SEC14L2: variants seen among roughly 807,000 people sequenced by gnomAD.
SEC14L2 encodes the protein SEC14-like protein 2.
Under a neutral mutation model 56.9 loss-of-function variants are expected in SEC14L2, and 50 were observed. The observed-to-expected ratio is 0.88, with a 90% CI of 0.70 to 1.11. SEC14L2 has a LOEUF of 1.11. Ranked by LOEUF, SEC14L2 falls within the 50% of genes most tolerant of loss-of-function variation. The probability of loss-of-function intolerance (pLI) is 0.00; values close to 1 mark genes in which losing one functional copy is unlikely to be tolerated. For missense variants in SEC14L2, 414 were observed against 500.7 expected (o/e 0.83, Z 1.65); for synonymous variants, 179 against 188.5 (o/e 0.95, Z 0.41).
intron 3 of SEC14L2, 83 bp from the exon 4 acceptor site, chr22:30,407,012 A>C: frequency 6.9e-7 from 1 of 1,446,210 alleles, no homozygotes; most frequent in Non-Finnish European, 9.6e-7. Context: ...TTGGCCTCCC[A>C]AAGTGCTGGG....
At chr22:30,407,344 A>G in intron 4 of SEC14L2, 71 bp from the exon 5 acceptor site, 2 of 1,548,342 alleles carry the variant, frequency 1.3e-6, no homozygotes, top group Non-Finnish European at 1.8e-6. Flanking sequence ...ATGAACCTGG[A>G]GTAAGGCCCT....
At chr22:30,415,699 A>G in intron 8 of SEC14L2, 60 bp from the exon 9 acceptor site, 2 of 1,461,816 alleles carry the variant, frequency 1.4e-6, no homozygotes, top group Admixed American at 3.5e-5. Flanking sequence ...CACTAGGGTT[A>G]TGGCGAAATC....
At chr22:30,408,098 T>G (rs1934148515) in intron 5 of SEC14L2, among the ~76,000 whole-genome samples, 2 of 139,464 alleles carry the variant, frequency 1.4e-5, no homozygotes, top group South Asian at 4.6e-4. Context: ...CGACAGAGAC[T>G]CCATCTCAAA....
chr22:30,421,865 G>A (rs1934527594), intron 11 of SEC14L2: 1 of 158,032 alleles, frequency 6.3e-6, no homozygotes, highest in Admixed American at 6.3e-5. Flanking sequence ...ATAACATATA[G>A]ATTACCAACC....
rs942958707 is a variant in SEC14L2 at position 30,410,598 on chromosome 22, C to T, written c.583C>T (p.Pro195Ser). The T allele has an allele frequency of 1.9e-6, 3 of 1,614,130 alleles. No individual in the cohort carries two copies. Among genetic ancestry groups the T allele is most frequent in the Non-Finnish European group, 2.5e-6 (3 of 1,179,940 alleles). Residue 195 changes from proline (P) to serine (S), a missense_variant and splice_region_variant, in exon 8 of 12, where the codon CCC (proline) becomes TCC (serine). By Grantham distance (74) the Pro-to-Ser change is moderately conservative. Transcript: ENST00000615189. ...ACATTATCTGGTCTCTGTTCCAGCC[C>T]CCAAACTGTTTCCTGTGGCCTATAA... ...TLKRLFVVKA[P>S]KLFPVAYNLI...
intron 3 of SEC14L2, 52 bp downstream of exon 3, chr22:30,406,437 T>C (rs1185373395): frequency 6.3e-7 from 1 of 1,583,786 alleles, no homozygotes; most frequent in African/African-American, 1.3e-5. Context: ...AATCACTCCT[T>C]GCGTGGACTT....
intron 7 of SEC14L2, 42 bp from the exon 8 acceptor site, chr22:30,410,553 TG>T (rs1483285261): frequency 3.2e-6 from 5 of 1,571,298 alleles, no homozygotes; most frequent in Non-Finnish European, 4.4e-6. Flanking sequence ...AGGGACAGAC[TG>T]GGCACTGCTC....
At position 30,409,249 on chromosome 22, in the gene SEC14L2, T is replaced by TCTCTGGAAGCCTG. The variant is rs1277076535; in HGVS notation, c.489_501dup (p.Val168LeufsTer16). 2 of 1,613,636 alleles carry TCTCTGGAAGCCTG rather than the reference T, an allele frequency of 1.2e-6. No individual in the cohort carries two copies. Among genetic ancestry groups the TCTCTGGAAGCCTG allele is most frequent in the Admixed American group, 3.3e-5 (2 of 59,984 alleles). On this transcript the variant is annotated frameshift_variant, in exon 6 of 12. Transcript: ENST00000615189. LOFTEE classifies it high-confidence loss of function. Reference sequence around the variant, plus strand: ...ACTGCGAGGGGCTTGGCCTCAAGCATCTCTGGAAGCCTGCTGTGGAGGCCT... The same window carrying TCTCTGGAAGCCTG: ...ACTGCGAGGGGCTTGGCCTCAAGCATCTCTGGAAGCCTGCTCTGGAAGCCTGCTGTGGAGGCCT...
Position 30,404,441 on chromosome 22 carries a change from C to T in SEC14L2, c.131-1901C>T, listed in dbSNP as rs147807467. Among the ~76,000 whole-genome samples, 22 of 152,096 alleles carry T rather than the reference C, an allele frequency of 1.4e-4. No individual in the cohort carries two copies. The East Asian group carries it at 3.9e-3, about 27-fold the overall frequency. On this transcript the variant is annotated intron_variant, in intron 2 of 11. Coordinates refer to ENST00000615189, the MANE Select transcript of SEC14L2 (RefSeq NM_012429.5). ...GAATGTGCTCGGCACTCCCAGAGAG[C>T]GATGGTTAAGGGACCGGTGACAGTC... is the stretch of plus-strand genomic sequence containing the variant.
Position 30,407,604 on chromosome 22 carries a change from GTGAGTGGACCACCATGGCTAGAAA to G in SEC14L2, c.423+7_423+30del, listed in dbSNP as rs1186771919. On this transcript the variant is annotated splice_donor_variant and splice_donor_5th_base_variant and intron_variant, in intron 5 of 11. Transcript: ENST00000615189. LOFTEE classifies it high-confidence loss of function. ...AGAGTGTGCCCACCAGACCACAAAG[GTGAGTGGACCACCATGGCTAGAAA>G]TGAGTTGACCACAGCAGAGGCATTC... is the stretch of plus-strand genomic sequence containing the variant. 1.2e-6 allele frequency: 2 copies of G among 1,612,244 alleles called. No homozygotes were observed. The highest frequency in any genetic ancestry group is 2.7e-5 in the African/African-American group (2 of 74,874).
rs1934547776 is a variant in SEC14L2, at chr22:30,422,509, G to C, written c.*102G>C. 6.8e-7 allele frequency: 1 copy of C among 1,469,398 alleles called. No individual in the cohort carries two copies. The highest frequency in any genetic ancestry group is 9.2e-7 in the Non-Finnish European group (1 of 1,081,938). 91.0% of individuals were successfully genotyped at this position (1,469,398 alleles called of 1,614,324 possible). A position where few individuals can be genotyped will look rare whatever the true frequency, so the allele number is the denominator to read the frequency against. On this transcript the variant is annotated 3_prime_UTR_variant, in exon 12 of 12. Coordinates refer to ENST00000615189, the MANE Select transcript of SEC14L2 (RefSeq NM_012429.5). ...ACAACCCTGAAGCCCAAAGAAACTG[G>C]GCTGGAGGACAGACCTCAGGAGCTT...
At position 30,407,303 on chromosome 22, in the gene SEC14L2, A is replaced by T. The variant is rs1934123237; in HGVS notation, c.235-112A>T. On this transcript the variant is annotated intron_variant, in intron 4 of 11. Coordinates refer to ENST00000615189, the MANE Select transcript of SEC14L2 (RefSeq NM_012429.5). The stretch of plus-strand genomic sequence containing the variant: ...GTCTCCAGAATGGGCATCTGTTGGT[A>T]CCCAGGAGAGGGAGGTAGAGAAAGA... 3 of 1,442,398 alleles carry T rather than the reference A, an allele frequency of 2.1e-6. No individual in the cohort carries two copies. In the East Asian group the frequency reaches 6.8e-5, roughly 33 times the overall value. The allele number at this position is 1,442,398 out of a possible 1,614,324, so 89.3% of individuals were successfully genotyped here. A position where few individuals can be genotyped will look rare whatever the true frequency, so the allele number is the denominator to read the frequency against.
At chr22:30,410,552 C>T (rs1236515105) in intron 7 of SEC14L2, 44 bp from the exon 8 acceptor site, 2 of 1,567,878 alleles carry the variant, frequency 1.3e-6, no homozygotes, top group Admixed American at 1.7e-5. Context: ...TAGGGACAGA[C>T]TGGGCACTGC....
chr22:30,397,983 G>A (rs1933806750), intron 1 of SEC14L2: 2 of 430,912 alleles, frequency 4.6e-6, no homozygotes, highest in Non-Finnish European at 9.5e-6. Flanking sequence ...GGAGTGAGGA[G>A]GTCGGCTCTT....
At chr22:30,416,651 G>A (rs1356354241) in intron 11 of SEC14L2, 5 of 1,434,272 alleles carry the variant, frequency 3.5e-6, no homozygotes, top group Non-Finnish European at 3.6e-6. Flanking sequence ...CACAGTCCTA[G>A]GCGATCACAG....
chr22:30,410,856 T>C (rs1434055754), intron 8 of SEC14L2, among the ~76,000 whole-genome samples, 177 bp downstream of exon 8: 1 of 152,198 alleles, frequency 6.6e-6, no homozygotes, highest in Non-Finnish European at 1.5e-5. Flanking sequence ...TCCTAAGAAC[T>C]CTTTCTCTCA....
intron 2 of SEC14L2, among the ~76,000 whole-genome samples, chr22:30,404,009 C>CAAAAAAAAAAAAAAAAAAAA (rs67366822): frequency 1.1e-4 from 10 of 93,232 alleles, no homozygotes; most frequent in East Asian, 6.4e-4. Flanking sequence ...GACTCCGTCT[C>CAAAAAAAAAAAAAAAAAAAA]AAAAAAAAAA....
Position 30,397,036 on chromosome 22 carries a change from G to A in SEC14L2, c.-81G>A, listed in dbSNP as rs1933768207. The stretch of plus-strand genomic sequence containing the variant: ...AGGCTGGGACTTTACTCCGGGTGGC[G>A]GCGAGGACGAGTCTGTGCTCCATCA... On this transcript the variant is annotated 5_prime_UTR_variant, in exon 1 of 12. Coordinates refer to ENST00000615189, the MANE Select transcript of SEC14L2 (RefSeq NM_012429.5). 4.9e-5 allele frequency: 64 copies of A among 1,294,866 alleles called. 1 individual carries two copies. The South Asian group carries it at 6.9e-4, about 14-fold the overall frequency. 80.2% of individuals were successfully genotyped at this position (1,294,866 alleles called of 1,614,324 possible). A position where few individuals can be genotyped will look rare whatever the true frequency, so the allele number is the denominator to read the frequency against.
intron 1 of SEC14L2, chr22:30,397,396 A>C: frequency 2.0e-6 from 1 of 506,788 alleles, no homozygotes; most frequent in Non-Finnish European, 3.4e-6. Context: ...AGCTCTGAGC[A>C]GCCGTGGCGG....
Sources: gnomAD v4.1 joint callset for allele counts (sites outside exome capture counted in the v4.1 genomes callset) on GRCh38, gnomAD v4.1.1 for gene constraint, MANE v1.5 for transcripts, NCBI Gene and HGNC (gene_info 2026-07-23, HGNC 2026-07-21) for gene names.